CSMD2: variants seen among roughly 807,000 people sequenced by gnomAD.
CSMD2 encodes the protein CUB and Sushi multiple domains 2, also known as CUB and sushi domain-containing protein 2.
In CSMD2, 130 loss-of-function variants were observed where a neutral mutation model predicts 398.5. The ratio of observed to expected loss-of-function variants is 0.33; its 90% CI spans 0.28 to 0.38. The LOEUF is 0.38. CSMD2 is among the 10% of genes least tolerant of loss of function. CSMD2 has a pLI of 1.00. For synonymous variants in CSMD2, 1,828 were observed against 1,908.5 expected (o/e 0.96, Z 1.10); for missense variants, 3,829 against 4,764.9 (o/e 0.80, Z 5.78).
At chr1:33,811,440 G>T (rs550391193) in intron 9 of CSMD2, among the ~76,000 whole-genome samples, 1 of 152,148 alleles carries the variant, frequency 6.6e-6, no homozygotes, top group African/African-American at 2.4e-5. Context: ...CCTTGTCAAG[G>T]CCACTCCATT....
chr1:34,154,953 C>A (rs543531191), intron 1 of CSMD2, among the ~76,000 whole-genome samples: 16 of 152,300 alleles, frequency 1.1e-4, no homozygotes, highest in Middle Eastern at 6.8e-3. Flanking sequence ...GTCTCAAACT[C>A]CTGACCTCGT....
chr1:33,539,881 A>T (rs1656169364), intron 60 of CSMD2, among the ~76,000 whole-genome samples: 1 of 152,166 alleles, frequency 6.6e-6, no homozygotes, highest in African/African-American at 2.4e-5. Context: ...TTTCAGAGGA[A>T]CCCAAAACAG....
chr1:33,936,499 T>C (rs1279010298), intron 3 of CSMD2, among the ~76,000 whole-genome samples: 5 of 152,036 alleles, frequency 3.3e-5, no homozygotes, highest in African/African-American at 9.7e-5. Flanking sequence ...GGCAGTGAAG[T>C]GGGAAAACAA....
intron 10 of CSMD2, among the ~76,000 whole-genome samples, chr1:33,802,633 C>T (rs1201051894): frequency 6.6e-6 from 1 of 152,162 alleles, no homozygotes; most frequent in African/African-American, 2.4e-5. Context: ...CATAATCATT[C>T]CATGACTATG....
intron 3 of CSMD2, among the ~76,000 whole-genome samples, chr1:33,998,324 A>G (rs1056184951): frequency 3.3e-5 from 5 of 152,112 alleles, no homozygotes; most frequent in African/African-American, 1.2e-4. Flanking sequence ...TAGTCCTTGG[A>G]TTTCTCAGCC....
At chr1:34,079,825 C>A (rs1019498316) in intron 2 of CSMD2, among the ~76,000 whole-genome samples, 1 of 151,898 alleles carries the variant, frequency 6.6e-6, no homozygotes, top group African/African-American at 2.4e-5. Context: ...CACTAGAAGA[C>A]AGATAAAAGG....
chr1:34,061,169 G>C (rs1196610712), intron 2 of CSMD2, among the ~76,000 whole-genome samples: 1 of 152,154 alleles, frequency 6.6e-6, no homozygotes, highest in Non-Finnish European at 1.5e-5. Flanking sequence ...CACGGTTGCT[G>C]CTAAATATCC....
At chr1:33,841,045 A>G (rs761854790) in intron 6 of CSMD2, among the ~76,000 whole-genome samples, 1 of 152,230 alleles carries the variant, frequency 6.6e-6, no homozygotes, top group Non-Finnish European at 1.5e-5. Flanking sequence ...TCAAATGAAT[A>G]AGTTTATTCT....
chr1:33,604,275 T>C (rs1640434172), intron 42 of CSMD2, among the ~76,000 whole-genome samples: 1 of 152,240 alleles, frequency 6.6e-6, no homozygotes, highest in African/African-American at 2.4e-5. Flanking sequence ...ACCAACTGGT[T>C]ACGCAGAGCA....
intron 29 of CSMD2, among the ~76,000 whole-genome samples, chr1:33,646,221 T>C (rs1238668632): frequency 6.6e-6 from 1 of 152,204 alleles, no homozygotes; most frequent in East Asian, 1.9e-4. Flanking sequence ...AGATGGGCTG[T>C]CCATAGGGAT....
At chr1:33,817,095 C>T (rs1275959614) in intron 9 of CSMD2, among the ~76,000 whole-genome samples, 2 of 151,970 alleles carry the variant, frequency 1.3e-5, no homozygotes, top group African/African-American at 2.4e-5. Flanking sequence ...ATAGTGATTG[C>T]GATTAATTGA....
chr1:33,790,651 CTGTT>C (rs1371236870), intron 11 of CSMD2, among the ~76,000 whole-genome samples: 19 of 132,118 alleles, frequency 1.4e-4, no homozygotes, highest in African/African-American at 5.7e-4. Context: ...TATCTATTTG[CTGTT>C]TGTCTGTCTA....
intron 3 of CSMD2, among the ~76,000 whole-genome samples, chr1:33,938,179 A>T (rs373918279): frequency 6.6e-6 from 1 of 152,262 alleles, no homozygotes; most frequent in Non-Finnish European, 1.5e-5. Context: ...AAGTGAGATG[A>T]TCTAGATGAA....
intron 3 of CSMD2, among the ~76,000 whole-genome samples, chr1:33,936,543 AG>A (rs1288264043): frequency 2.6e-5 from 4 of 152,208 alleles, no homozygotes. Flanking sequence ...ACTGGTTTAA[AG>A]GGGGAAAATT....
At chr1:33,683,132 C>T (rs1331904676) in intron 25 of CSMD2, among the ~76,000 whole-genome samples, 2 of 152,174 alleles carry the variant, frequency 1.3e-5, no homozygotes, top group Non-Finnish European at 2.9e-5. Context: ...GCAAATGCTG[C>T]TATTGTGGAT....
intron 1 of CSMD2, among the ~76,000 whole-genome samples, chr1:34,103,622 T>G (rs1438715254): frequency 1.3e-5 from 2 of 152,122 alleles, no homozygotes; most frequent in African/African-American, 4.8e-5. Flanking sequence ...CAATTTTATT[T>G]CCATCACCTA....
intron 68 of CSMD2, among the ~76,000 whole-genome samples, chr1:33,520,228 A>C (rs1036234835): frequency 2.6e-5 from 4 of 152,248 alleles, no homozygotes; most frequent in African/African-American, 7.2e-5. Flanking sequence ...GGCTCAACAG[A>C]AACTCTTACA....
rs200762059 is a variant in CSMD2 at position 33,810,735 on chromosome 1, A to G, written c.1446+8T>C. On this transcript the variant is annotated splice_region_variant and intron_variant, in intron 10 of 70. Coordinates refer to ENST00000373381, the MANE Select transcript of CSMD2 (RefSeq NM_001281956.2). ...ACAGAACACCACCCCGCTCCCCAAG[A>G]GGCTTACCTTGGAGGGGTTGAGTGC... 62 of 1,612,312 alleles carry G rather than the reference A, an allele frequency of 3.8e-5. No individual in the cohort carries two copies. The highest frequency in any genetic ancestry group is 4.6e-5 in the Non-Finnish European group (54 of 1,179,288).
At chr1:34,092,820 G>C (rs1046293808) in intron 1 of CSMD2, among the ~76,000 whole-genome samples, 16 of 151,608 alleles carry the variant, frequency 1.1e-4, no homozygotes, top group Non-Finnish European at 1.5e-4. Flanking sequence ...AGGCAGCAGC[G>C]AGGCTGGGGG....
Sources: allele counts gnomAD v4.1 joint callset (sites outside exome capture counted in the v4.1 genomes callset), GRCh38; gene constraint gnomAD v4.1.1; transcripts MANE v1.5; gene names NCBI Gene and HGNC (gene_info 2026-07-23, HGNC 2026-07-21).